The following GNG2 variants were observed in gnomAD, a reference collection of about 807,000 sequenced individuals.
The protein encoded by GNG2 is G protein subunit gamma 2.
GNG2 carries 5 observed loss-of-function variants against 5.5 expected under a neutral mutation model. The ratio of observed to expected loss-of-function variants is 0.91; its 90% CI spans 0.48 to 1.92. The LOEUF (loss-of-function observed/expected upper bound fraction) is 1.92. Among genes scored for constraint, GNG2 ranks in the 30% most tolerant of loss-of-function variants. The pLI is 0.01. For missense variants in GNG2, 55 were observed against 88.4 expected (o/e 0.62, Z 1.52); for synonymous variants, 28 against 32.0 (o/e 0.88, Z 0.42).
At chr14:51,941,351 A>G (rs1236263342) in intron 2 of GNG2, among the ~76,000 whole-genome samples, 1 of 152,254 alleles carries the variant, frequency 6.6e-6, no homozygotes, top group East Asian at 1.9e-4. Flanking sequence ...ACTGACAAAC[A>G]AGAATAATAA....
At chr14:51,880,481 G>A (rs1883974145) in intron 2 of GNG2, among the ~76,000 whole-genome samples, 1 of 152,150 alleles carries the variant, frequency 6.6e-6, no homozygotes, top group African/African-American at 2.4e-5. Flanking sequence ...TTTCTTGCCG[G>A]GTGTATGAAA....
intron 2 of GNG2, among the ~76,000 whole-genome samples, chr14:51,832,720 CTCT>C (rs1261140418): frequency 2.0e-5 from 3 of 152,228 alleles, no homozygotes; most frequent in Admixed American, 2.0e-4. Flanking sequence ...TCTCTAGTGT[CTCT>C]TCTTATAAGG....
intron 1 of GNG2, among the ~76,000 whole-genome samples, chr14:51,871,632 ATATAT>A (rs1216958968): frequency 6.6e-6 from 1 of 152,256 alleles, no homozygotes; most frequent in Non-Finnish European, 1.5e-5. Flanking sequence ...TTCAAAATAA[ATATAT>A]TATTAGTATA....
In GNG2 at chr14:51,966,591, C is replaced by T. The variant is rs1176735049; in HGVS notation, c.120C>T (p.Tyr40=). ...AGGCAGCTGCAGATTTGATGGCCTA[C>T]TGTGAAGCACATGCCAAGGAAGACC... ...VSKAAADLMA[Y]CEAHAKEDPL... The change falls in exon 4 of 4, where the codon TAC becomes TAT. Residue 40 remains tyrosine, a synonymous_variant. Transcript: ENST00000556766. 1 of 1,613,572 alleles carries T rather than the reference C, an allele frequency of 6.2e-7. No individual in the cohort carries two copies. The highest frequency in any genetic ancestry group is 2.2e-5 in the East Asian group (1 of 44,876).
rs1000535633 is a variant in GNG2, at chr14:51,969,283, A to G, written c.*2596A>G. ...ACTTCATATTTAGAATGCAAAGTCTATAAAGAATAATTTTACATGATCCTC... is the reference window on the plus strand; with the variant it reads ...ACTTCATATTTAGAATGCAAAGTCTGTAAAGAATAATTTTACATGATCCTC... On this transcript the variant is annotated 3_prime_UTR_variant, in exon 4 of 4. Coordinates refer to ENST00000556766, the MANE Select transcript of GNG2 (RefSeq NM_053064.5). 5 of 152,228 alleles carry G rather than the reference A, an allele frequency of 3.3e-5. No individual in the cohort carries two copies. Among genetic ancestry groups the G allele is most frequent in the African/African-American group, 4.8e-5 (2 of 41,474 alleles). 9.4% of individuals were successfully genotyped at this position (152,228 alleles called of 1,614,324 possible).
intron 2 of GNG2, among the ~76,000 whole-genome samples, chr14:51,830,160 T>C (rs1266269081): frequency 1.3e-5 from 2 of 152,204 alleles, no homozygotes; most frequent in Non-Finnish European, 2.9e-5. Flanking sequence ...CTTCTTGAAG[T>C]GCTTGATTCT....
At chr14:51,843,079 T>C (rs777136499) in intron 2 of GNG2, among the ~76,000 whole-genome samples, 2 of 152,212 alleles carry the variant, frequency 1.3e-5, no homozygotes, top group African/African-American at 2.4e-5. Context: ...CAGAAGAGAC[T>C]AACAACCCAA....
Position 51,966,672 on chromosome 14 carries a change from C to G in GNG2, c.201C>G (p.Phe67Leu). 6.2e-7 allele frequency: 1 copy of G among 1,613,848 alleles called. No individual in the cohort carries two copies. Among genetic ancestry groups the G allele is most frequent in the Non-Finnish European group, 8.5e-7 (1 of 1,179,780 alleles). ...SENPFREKKFFCAIL is the reference protein window; with the variant it reads ...SENPFREKKFLCAIL ...ACCCGTTTAGGGAGAAGAAGTTTTTCTGTGCCATCCTTTAAGTCTTTGAGA... is the reference window on the plus strand; with the variant it reads ...ACCCGTTTAGGGAGAAGAAGTTTTTGTGTGCCATCCTTTAAGTCTTTGAGA... The change falls in exon 4 of 4, where the codon TTC becomes TTG. Residue 67 changes from phenylalanine (F) to leucine (L), a missense_variant. By Grantham distance (22) the Phe-to-Leu change is conservative. Transcript: ENST00000556766.
intron 1 of GNG2, among the ~76,000 whole-genome samples, chr14:51,867,228 T>A (rs372794409): frequency 6.6e-5 from 10 of 152,324 alleles, no homozygotes; most frequent in African/African-American, 2.2e-4. Flanking sequence ...TCAAATTCTG[T>A]CCTGTGATTT....
intron 2 of GNG2, among the ~76,000 whole-genome samples, chr14:51,894,736 C>T (rs1039778392): frequency 3.9e-5 from 6 of 151,972 alleles, no homozygotes; most frequent in African/African-American, 1.4e-4. Flanking sequence ...CATAAAAGTA[C>T]ATAGAGGAGT....
chr14:51,859,147 G>A (rs947149355), upstream of GNG2, among the ~76,000 whole-genome samples: 2 of 152,134 alleles, frequency 1.3e-5, no homozygotes, highest in Admixed American at 1.3e-4. Flanking sequence ...AGGAGGAGTT[G>A]GGGAATTAAC....
chr14:51,929,203 A>C (rs1411349034), intron 2 of GNG2, among the ~76,000 whole-genome samples: 1 of 152,206 alleles, frequency 6.6e-6, no homozygotes, highest in Non-Finnish European at 1.5e-5. Flanking sequence ...CCTCAGTTAA[A>C]GGGCCAGCCA....
chr14:51,921,027 C>T (rs532124982), intron 2 of GNG2, among the ~76,000 whole-genome samples: 33 of 152,286 alleles, frequency 2.2e-4, no homozygotes, highest in African/African-American at 7.2e-4. Flanking sequence ...GAATCTCATT[C>T]TTTCTCCTAT....
intron 2 of GNG2, among the ~76,000 whole-genome samples, chr14:51,930,261 G>C (rs577820288): frequency 1.6e-4 from 24 of 152,228 alleles, no homozygotes; most frequent in South Asian, 1.0e-3. Flanking sequence ...AGCCTTGTCC[G>C]GCCCATCCAC....
Position 51,968,681 on chromosome 14 carries a change from C to G in GNG2, c.*1994C>G, listed in dbSNP as rs1890059533. The stretch of plus-strand genomic sequence containing the variant: ...GTATTTATTAAACTACAGCATTGTA[C>G]AATTAGCTTAGTAACACTATGGAAT... On this transcript the variant is annotated 3_prime_UTR_variant, in exon 4 of 4. Coordinates refer to ENST00000556766, the MANE Select transcript of GNG2 (RefSeq NM_053064.5). 6.6e-6 allele frequency: 1 copy of G among 152,160 alleles called. No individual in the cohort carries two copies. The highest frequency in any genetic ancestry group is 2.4e-5 in the African/African-American group (1 of 41,424). 9.4% of individuals were successfully genotyped at this position (152,160 alleles called of 1,614,324 possible). A position where few individuals can be genotyped will look rare whatever the true frequency, so the allele number is the denominator to read the frequency against.
At chr14:51,948,493 T>C (rs1888770043) in intron 2 of GNG2, among the ~76,000 whole-genome samples, 1 of 152,166 alleles carries the variant, frequency 6.6e-6, no homozygotes, top group Admixed American at 6.5e-5. Context: ...GGCTTGTAGA[T>C]TGTGGCTGCA....
chr14:51,849,407 T>A (rs749086801), intron 2 of GNG2, among the ~76,000 whole-genome samples: 1 of 152,198 alleles, frequency 6.6e-6, no homozygotes, highest in African/African-American at 2.4e-5. Flanking sequence ...TGACTCAGTG[T>A]GGGAAGAGAC....
At chr14:51,889,109 C>CTT (rs1173479215) in intron 2 of GNG2, among the ~76,000 whole-genome samples, 38 of 118,918 alleles carry the variant, frequency 3.2e-4, no homozygotes, top group African/African-American at 4.0e-4. Context: ...TGGGTTTGCG[C>CTT]TTTTTTTTTT....
intron 2 of GNG2, among the ~76,000 whole-genome samples, chr14:51,937,328 G>A (rs919672426): frequency 1.3e-5 from 2 of 152,130 alleles, no homozygotes; most frequent in African/African-American, 2.4e-5. Context: ...TAAAGGAAAT[G>A]GAGCAGGATG....
Sources: allele counts gnomAD v4.1 joint callset (sites outside exome capture counted in the v4.1 genomes callset), GRCh38; gene constraint gnomAD v4.1.1; transcripts MANE v1.5; gene names NCBI Gene and HGNC (gene_info 2026-07-23, HGNC 2026-07-21).